The following SLC28A1 variants were observed in gnomAD, a reference collection of about 807,000 sequenced individuals.
SLC28A1 encodes sodium/nucleoside cotransporter 1.
SLC28A1 carries 64 observed loss-of-function variants against 74.8 expected under a neutral mutation model. The ratio of observed to expected loss-of-function variants is 0.86; its 90% CI spans 0.70 to 1.05. SLC28A1 has a LOEUF of 1.05. Ranked by LOEUF, SLC28A1 falls within the 50% of genes least tolerant of loss-of-function variation. SLC28A1 has a pLI of 0.00. For synonymous variants in SLC28A1, 359 were observed against 335.0 expected (o/e 1.07, Z -0.78); for missense variants, 828 against 822.8 (o/e 1.01, Z -0.08).
chr15:84,969,662 C>G, the SLC28A1 span, among the ~76,000 whole-genome samples: 1 of 152,234 alleles, frequency 6.6e-6, no homozygotes, highest in African/African-American at 2.4e-5. Context: ...TCATCCAATA[C>G]TGTAATCTTT....
chr15:84,886,800 A>G lies in SLC28A1; in HGVS notation c.-17+13A>G, dbSNP rs1034511125. 1.0e-6 allele frequency: 1 copy of G among 982,340 alleles called. No individual in the cohort carries two copies. The highest frequency in any genetic ancestry group is 1.2e-6 in the Non-Finnish European group (1 of 827,194). 60.9% of individuals were successfully genotyped at this position (982,340 alleles called of 1,614,324 possible). ...TAACCGCAAATACGTGAGTAGAAAC[A>G]GGGCCCCGCTTCTGTGTGCGCTGCT... On this transcript the variant is annotated intron_variant, in intron 2 of 18. Transcript: ENST00000394573.
the SLC28A1 span, among the ~76,000 whole-genome samples, chr15:84,953,564 C>A: frequency 6.6e-6 from 1 of 152,030 alleles, no homozygotes; most frequent in Non-Finnish European, 1.5e-5. Flanking sequence ...ACCTTGTCTC[C>A]ACTAAAAATT....
the SLC28A1 span, among the ~76,000 whole-genome samples, chr15:84,971,969 A>G: frequency 6.6e-6 from 1 of 152,320 alleles, no homozygotes; most frequent in Admixed American, 6.5e-5. Context: ...TAAATTAGCC[A>G]GCTTCAGGTA....
At chr15:84,895,621 A>C (rs1965913057) in intron 6 of SLC28A1, 8 of 1,476,344 alleles carry the variant, frequency 5.4e-6, no homozygotes, top group East Asian at 2.5e-5. Context: ...TGGAAATCTC[A>C]GCGATGTCAC....
At chr15:84,916,402 T>C (rs903802847) in intron 9 of SLC28A1, among the ~76,000 whole-genome samples, 3 of 151,536 alleles carry the variant, frequency 2.0e-5, no homozygotes, top group African/African-American at 7.3e-5. Context: ...CCACCATACA[T>C]AGCTGTTAAA....
intron 6 of SLC28A1, among the ~76,000 whole-genome samples, chr15:84,902,621 G>A (rs994900732): frequency 6.6e-6 from 1 of 152,102 alleles, no homozygotes; most frequent in African/African-American, 2.4e-5. Flanking sequence ...AGGAGTATAC[G>A]TATGCCAAAA....
chr15:84,900,055 G>A (rs933479374), intron 6 of SLC28A1, among the ~76,000 whole-genome samples: 2 of 152,066 alleles, frequency 1.3e-5, no homozygotes, highest in African/African-American at 4.8e-5. Flanking sequence ...GGTAGCTCGT[G>A]TCTATAATCC....
chr15:84,933,550 G>A lies in SLC28A1; in HGVS notation c.1214+275G>A, dbSNP rs79689976. Among the ~76,000 whole-genome samples the A allele has an allele frequency of 5.3e-3, 801 of 152,268 alleles. 7 individuals carry two copies. The highest frequency in any genetic ancestry group is 0.018 in the African/African-American group (756 of 41,560). On this transcript the variant is annotated intron_variant, in intron 13 of 18. Coordinates refer to ENST00000394573, the MANE Select transcript of SLC28A1 (RefSeq NM_004213.5). Reference sequence around the variant, plus strand: ...CCAAGGTCGAGGGGTTGTATCTGGCGAGAGCCTTCTTGCTGCTGGGGATTC... The same window carrying A: ...CCAAGGTCGAGGGGTTGTATCTGGCAAGAGCCTTCTTGCTGCTGGGGATTC...
chr15:84,893,885 T>C (rs1034772714), intron 5 of SLC28A1, among the ~76,000 whole-genome samples: 17 of 152,328 alleles, frequency 1.1e-4, no homozygotes, highest in Non-Finnish European at 2.1e-4. Context: ...CTGCTTGCAA[T>C]GCTGCAAACA....
chr15:84,970,421 C>T, the SLC28A1 span, among the ~76,000 whole-genome samples: 1 of 152,092 alleles, frequency 6.6e-6, no homozygotes, highest in African/African-American at 2.4e-5. Context: ...TCAACCTTGA[C>T]CCTTTGTGCA....
At chr15:84,894,900 G>A in intron 5 of SLC28A1, 40 bp from the exon 6 acceptor site, 1 of 1,600,268 alleles carries the variant, frequency 6.2e-7, no homozygotes, top group Middle Eastern at 1.7e-4. Context: ...TGAAGAGGTG[G>A]TGTCCTGGCT....
At chr15:84,906,007 A>C (rs1389023165) in intron 8 of SLC28A1, among the ~76,000 whole-genome samples, 1 of 143,578 alleles carries the variant, frequency 7.0e-6, no homozygotes, top group Non-Finnish European at 1.5e-5. Context: ...TTGAAGTTAT[A>C]CATTTTTGTT....
intron 9 of SLC28A1, among the ~76,000 whole-genome samples, chr15:84,917,041 T>TAA (rs869206511): frequency 9.8e-5 from 4 of 40,956 alleles, no homozygotes; most frequent in African/African-American, 1.2e-4. Flanking sequence ...AAAAAAAAAA[T>TAA]AAATAAAAAA....
chr15:84,908,228 G>A (rs1204524260), intron 8 of SLC28A1, among the ~76,000 whole-genome samples: 2 of 122,350 alleles, frequency 1.6e-5, no homozygotes, highest in Non-Finnish European at 1.6e-5. Context: ...CTGTTGCCCA[G>A]GCTGCAGTGC....
At chr15:84,929,307 G>T (rs1971007833) in intron 12 of SLC28A1, among the ~76,000 whole-genome samples, 1 of 152,114 alleles carries the variant, frequency 6.6e-6, no homozygotes, top group South Asian at 2.1e-4. Flanking sequence ...CACTTTGGGA[G>T]GCCGAGGCGG....
intron 11 of SLC28A1, among the ~76,000 whole-genome samples, chr15:84,921,801 G>C (rs1482688316): frequency 6.6e-6 from 1 of 152,194 alleles, no homozygotes; most frequent in Admixed American, 6.6e-5. Flanking sequence ...AGCCGATGAA[G>C]ATAGACGTGC....
At chr15:84,973,737 C>T in the SLC28A1 span, among the ~76,000 whole-genome samples, 3 of 152,312 alleles carry the variant, frequency 2.0e-5, no homozygotes, top group African/African-American at 7.2e-5. Context: ...GCTTCCTGCA[C>T]CAGATTATGA....
At chr15:84,888,976 G>T (rs891971254) in intron 4 of SLC28A1, 116 bp downstream of exon 4, 9 of 760,644 alleles carry the variant, frequency 1.2e-5, no homozygotes, top group African/African-American at 1.0e-4. Flanking sequence ...CTTTGTTGAA[G>T]GGAGGAATAA....
Position 84,943,379 on chromosome 15 carries a change from G to A in SLC28A1, c.1582-66G>A, listed in dbSNP as rs1031178193. ...GTAAAATTAAGGCCAGGGAGCCTGGGTGTTATAGGGGTGCCCCAGGCCCAT... is the reference window on the plus strand; with the variant it reads ...GTAAAATTAAGGCCAGGGAGCCTGGATGTTATAGGGGTGCCCCAGGCCCAT... On this transcript the variant is annotated intron_variant, in intron 15 of 18. Coordinates refer to ENST00000394573, the MANE Select transcript of SLC28A1 (RefSeq NM_004213.5). The A allele has an allele frequency of 2.9e-5, 32 of 1,121,708 alleles. No individual in the cohort carries two copies. In the African/African-American group the frequency reaches 4.1e-4, roughly 14 times the overall value. 69.5% of individuals were successfully genotyped at this position (1,121,708 alleles called of 1,614,324 possible).
Sources: allele counts gnomAD v4.1 joint callset (sites outside exome capture counted in the v4.1 genomes callset), GRCh38; gene constraint gnomAD v4.1.1; transcripts MANE v1.5; gene names NCBI Gene and HGNC (gene_info 2026-07-23, HGNC 2026-07-21).